The following UNC13C variants were observed in gnomAD, a reference collection of about 807,000 sequenced individuals.
UNC13C encodes the protein protein unc-13 homolog C.
UNC13C carries 174 observed loss-of-function variants against 245.4 expected under a neutral mutation model. That is an observed-to-expected ratio of 0.71 (90% CI 0.63 to 0.80). The LOEUF (loss-of-function observed/expected upper bound fraction) is 0.80. UNC13C is among the 30% of genes least tolerant of loss of function. The probability of loss-of-function intolerance (pLI) is 0.00; values close to 1 mark genes in which losing one functional copy is unlikely to be tolerated. For synonymous variants in UNC13C, 992 were observed against 895.1 expected, an observed-to-expected ratio of 1.11 and a Z score of -1.93; for missense variants, 2,829 against 2,602.9, an observed-to-expected ratio of 1.09 and a Z score of -1.89.
chr15:54,250,749 C>T (rs369462930), intron 8 of UNC13C, among the ~76,000 whole-genome samples: 1 of 88,874 alleles, frequency 1.1e-5, no homozygotes, highest in East Asian at 3.3e-4. Context: ...TTCTTTCTTT[C>T]TTTTTTTTTT....
intron 4 of UNC13C, among the ~76,000 whole-genome samples, chr15:54,171,182 C>G (rs1219813167): frequency 2.0e-5 from 3 of 152,070 alleles, no homozygotes; most frequent in Non-Finnish European, 4.4e-5. Flanking sequence ...CGAGCACTCA[C>G]TGATCAACTT....
chr15:54,579,040 A>C (rs1898086786), intron 30 of UNC13C, among the ~76,000 whole-genome samples: 1 of 152,236 alleles, frequency 6.6e-6, no homozygotes, highest in Non-Finnish European at 1.5e-5. Context: ...GTAAAAATCC[A>C]GGTGAGACAT....
At chr15:54,520,152 T>C (rs1158212684) in intron 24 of UNC13C, among the ~76,000 whole-genome samples, 1 of 151,606 alleles carries the variant, frequency 6.6e-6, no homozygotes, top group Non-Finnish European at 1.5e-5. Context: ...GTGTAGATGA[T>C]TACAGTAGGC....
chr15:53,839,148 T>G, the UNC13C span, among the ~76,000 whole-genome samples: 1 of 152,054 alleles, frequency 6.6e-6, no homozygotes, highest in African/African-American at 2.4e-5. Context: ...GGCAGGTGTG[T>G]GTGTGTTTCT....
At chr15:54,452,215 T>C (rs974350745) in intron 19 of UNC13C, among the ~76,000 whole-genome samples, 1 of 152,190 alleles carries the variant, frequency 6.6e-6, no homozygotes, top group Non-Finnish European at 1.5e-5. Flanking sequence ...GGCCTCCATA[T>C]TGGCAGGTCC....
chr15:54,303,086 C>A (rs374792987), intron 13 of UNC13C, among the ~76,000 whole-genome samples: 23 of 152,266 alleles, frequency 1.5e-4, no homozygotes, highest in East Asian at 9.7e-4. Flanking sequence ...GAACCTCCTT[C>A]TCAAATCTAG....
chr15:53,922,873 CTT>C, the UNC13C span, among the ~76,000 whole-genome samples: 3 of 152,106 alleles, frequency 2.0e-5, no homozygotes, highest in Non-Finnish European at 4.4e-5. Context: ...TAGCTGAGAA[CTT>C]TTTTGCTCAA....
intron 1 of UNC13C, among the ~76,000 whole-genome samples, chr15:54,003,170 T>C (rs1007720940): frequency 2.0e-5 from 3 of 152,194 alleles, no homozygotes; most frequent in East Asian, 1.9e-4. Context: ...TTCAATCATA[T>C]TGAGTTTCAA....
intron 2 of UNC13C, among the ~76,000 whole-genome samples, chr15:54,135,743 G>A (rs1221236389): frequency 2.0e-5 from 3 of 152,210 alleles, no homozygotes; most frequent in African/African-American, 7.2e-5. Context: ...TCATGCCCCA[G>A]CTTCGTTCTT....
At chr15:54,623,723 A>C (rs1900948363) in intron 31 of UNC13C, 72 bp from the exon 32 acceptor site, 1 of 1,442,692 alleles carries the variant, frequency 6.9e-7, no homozygotes, top group African/African-American at 1.4e-5. Context: ...TGGCTTCATA[A>C]ATCACTTTTA....
chr15:54,191,089 T>G (rs1333563611), intron 4 of UNC13C, among the ~76,000 whole-genome samples: 1 of 152,320 alleles, frequency 6.6e-6, no homozygotes, highest in Non-Finnish European at 1.5e-5. Flanking sequence ...CTGGGATACA[T>G]GTGCTGAACA....
chr15:54,590,505 T>C (rs1172532999), intron 30 of UNC13C, among the ~76,000 whole-genome samples: 1 of 152,148 alleles, frequency 6.6e-6, no homozygotes, highest in African/African-American at 2.4e-5. Flanking sequence ...CTTCTGACTC[T>C]TTTGTTAGGT....
intron 4 of UNC13C, among the ~76,000 whole-genome samples, chr15:54,224,515 T>TTG (rs563404684): frequency 3.9e-5 from 6 of 152,142 alleles, no homozygotes; most frequent in Non-Finnish European, 8.8e-5. Flanking sequence ...TTTCAATATG[T>TTG]TGTTGAATTC....
intron 24 of UNC13C, among the ~76,000 whole-genome samples, chr15:54,521,980 A>T (rs1895235458): frequency 6.6e-6 from 1 of 152,206 alleles, no homozygotes; most frequent in South Asian, 2.1e-4. Flanking sequence ...GATTTATAAG[A>T]GAGCATTTAG....
the UNC13C span, among the ~76,000 whole-genome samples, chr15:53,876,680 T>G: frequency 6.6e-6 from 1 of 152,192 alleles, no homozygotes; most frequent in Non-Finnish European, 1.5e-5. Flanking sequence ...TTTATTTATT[T>G]TTTCAAAATG....
At chr15:54,006,362 G>A (rs188055393) in intron 1 of UNC13C, among the ~76,000 whole-genome samples, 22 of 152,208 alleles carry the variant, frequency 1.4e-4, no homozygotes, top group African/African-American at 4.6e-4. Flanking sequence ...TGGGAGAAAG[G>A]GATCTTTCTG....
intron 7 of UNC13C, among the ~76,000 whole-genome samples, chr15:54,245,294 T>G (rs2035962828): frequency 6.6e-6 from 1 of 152,190 alleles, no homozygotes; most frequent in South Asian, 2.1e-4. Flanking sequence ...TTCTGTGTCA[T>G]AACAAAGGGC....
intron 2 of UNC13C, among the ~76,000 whole-genome samples, chr15:54,066,600 T>C (rs1309925506): frequency 1.3e-5 from 2 of 152,102 alleles, no homozygotes; most frequent in Non-Finnish European, 2.9e-5. Flanking sequence ...GTTGAGGAAA[T>C]GGAGACCCAC....
chr15:54,043,520 GC>G (rs1277079878), intron 2 of UNC13C, among the ~76,000 whole-genome samples: 2 of 152,146 alleles, frequency 1.3e-5, no homozygotes, highest in Non-Finnish European at 2.9e-5. Flanking sequence ...GCAAGTTTGT[GC>G]TTTTTTCCTC....
Sources: gnomAD v4.1 joint callset for allele counts (sites outside exome capture counted in the v4.1 genomes callset) on GRCh38, gnomAD v4.1.1 for gene constraint, MANE v1.5 for transcripts, NCBI Gene and HGNC (gene_info 2026-07-23, HGNC 2026-07-21) for gene names.